LEF1: variants seen among roughly 807,000 people sequenced by gnomAD.
LEF1 encodes the protein lymphoid enhancer-binding factor 1.
Under a neutral mutation model 51.2 loss-of-function variants are expected in LEF1, and 14 were observed. The ratio of observed to expected loss-of-function variants is 0.27; its 90% CI spans 0.18 to 0.43. The LOEUF is 0.43. LEF1 is among the 20% of genes least tolerant of loss of function. The pLI, the probability that LEF1 is intolerant of heterozygous loss-of-function variation, is 1.00. For missense variants in LEF1, 386 were observed against 512.0 expected (o/e 0.75, Z 2.37); for synonymous variants, 185 against 183.2 (o/e 1.01, Z -0.08).
intron 3 of LEF1, among the ~76,000 whole-genome samples, chr4:108,102,835 G>A (rs1262523387): frequency 6.6e-6 from 1 of 152,178 alleles, no homozygotes; most frequent in Non-Finnish European, 1.5e-5. Flanking sequence ...TGTCTTGAGG[G>A]AGAAAGCTAT....
intron 7 of LEF1, 146 bp from the exon 8 acceptor site, chr4:108,078,528 G>A: frequency 1.0e-6 from 1 of 963,542 alleles, no homozygotes; most frequent in Non-Finnish European, 1.6e-6. Flanking sequence ...CAACTTGGAA[G>A]AGCAGTTATT....
At chr4:108,055,986 G>A (rs997800715) in intron 11 of LEF1, among the ~76,000 whole-genome samples, 3 of 152,062 alleles carry the variant, frequency 2.0e-5, no homozygotes, top group African/African-American at 7.2e-5. Flanking sequence ...GACATCTGTC[G>A]GGCTGCTGTC....
At chr4:108,151,822 A>G (rs1744374267) in intron 3 of LEF1, among the ~76,000 whole-genome samples, 1 of 152,222 alleles carries the variant, frequency 6.6e-6, no homozygotes, top group African/African-American at 2.4e-5. Flanking sequence ...TTGCGATTCC[A>G]TACAAATTTA....
At chr4:108,147,116 A>C (rs1029625541) in intron 3 of LEF1, among the ~76,000 whole-genome samples, 2 of 152,114 alleles carry the variant, frequency 1.3e-5, no homozygotes, top group African/African-American at 4.8e-5. Flanking sequence ...TTACAGAGAG[A>C]GGCCCGGGAG....
chr4:108,091,189 T>C (rs1739994360), intron 3 of LEF1, among the ~76,000 whole-genome samples: 1 of 152,166 alleles, frequency 6.6e-6, no homozygotes. Flanking sequence ...CTGCACAATG[T>C]GAACTGCTTA....
intron 8 of LEF1, 127 bp downstream of exon 8, chr4:108,078,093 G>A (rs1739033783): frequency 2.3e-6 from 2 of 853,762 alleles, no homozygotes. Flanking sequence ...TCTTTAAAAT[G>A]CATCATATCA....
intron 3 of LEF1, among the ~76,000 whole-genome samples, chr4:108,143,667 G>A (rs1373418645): frequency 2.0e-5 from 3 of 152,092 alleles, no homozygotes; most frequent in South Asian, 2.1e-4. Context: ...CCCTGCCCCC[G>A]CCTTCTTCAA....
chr4:108,158,867 C>T (rs1002455577), intron 3 of LEF1, among the ~76,000 whole-genome samples: 2 of 151,946 alleles, frequency 1.3e-5, no homozygotes, highest in Admixed American at 1.3e-4. Context: ...AGGGAAGACT[C>T]GATCAAAATA....
chr4:108,140,567 G>A (rs1432509921), intron 3 of LEF1, among the ~76,000 whole-genome samples: 1 of 152,110 alleles, frequency 6.6e-6, no homozygotes, highest in Non-Finnish European at 1.5e-5. Context: ...GGTAAACCCA[G>A]GCCTGGGTAT....
intron 1 of LEF1, 122 bp from the exon 2 acceptor site, chr4:108,165,285 A>G (rs1156936735): frequency 3.6e-6 from 3 of 837,278 alleles, no homozygotes; most frequent in Non-Finnish European, 6.2e-6. Context: ...ACTCTGTTTT[A>G]TACTCTGAGA....
chr4:108,122,471 C>G (rs1266210987), intron 3 of LEF1, among the ~76,000 whole-genome samples: 2 of 151,868 alleles, frequency 1.3e-5, no homozygotes, highest in Non-Finnish European at 2.9e-5. Context: ...GCTGTTACCA[C>G]CCATTCATTT....
chr4:108,068,266 TCAAAACAAAA>T (rs373744253), intron 9 of LEF1, among the ~76,000 whole-genome samples: 534 of 151,694 alleles, frequency 3.5e-3, no homozygotes, highest in Middle Eastern at 6.8e-3. Flanking sequence ...AATCTCTGTC[TCAAAACAAAA>T]CAAAACAAAA....
At chr4:108,087,803 T>G (rs761080420) in intron 4 of LEF1, among the ~76,000 whole-genome samples, 10 of 152,158 alleles carry the variant, frequency 6.6e-5, no homozygotes, top group Non-Finnish European at 1.0e-4. Context: ...CTGTCTCCCC[T>G]TGGGTATCTC....
intron 3 of LEF1, among the ~76,000 whole-genome samples, chr4:108,121,617 C>T (rs1742185870): frequency 6.6e-6 from 1 of 152,142 alleles, no homozygotes; most frequent in Non-Finnish European, 1.5e-5. Flanking sequence ...ATTTTCTGGC[C>T]AAGATCTTAA....
chr4:108,070,703 T>C lies in LEF1; in HGVS notation c.1076A>G (p.His359Arg), dbSNP rs1319328618. 6.2e-7 allele frequency: 1 copy of C among 1,614,108 alleles called. No homozygotes were observed. The highest frequency in any genetic ancestry group is 8.5e-7 in the Non-Finnish European group (1 of 1,179,974). The change falls in exon 9 of 12, where the codon CAT (histidine) becomes CGT (arginine). Residue 359 changes from histidine (H) to arginine (R), a missense_variant. By Grantham distance (29) the His-to-Arg change is conservative. Transcript: ENST00000265165. ...AGACCAGCCTGGATAAAGCTGCATA[T>C]GTAGCTGTCTTTCTTTCCGTGCTAA... is the stretch of plus-strand genomic sequence containing the variant. ...YELARKERQLHMQLYPGWSAR... is the reference protein window; with the variant it reads ...YELARKERQLRMQLYPGWSAR...
intron 9 of LEF1, among the ~76,000 whole-genome samples, chr4:108,067,398 T>A (rs1056752108): frequency 1.1e-4 from 16 of 152,172 alleles, no homozygotes; most frequent in Non-Finnish European, 1.8e-4. Flanking sequence ...AAAACAAATT[T>A]AAAGGCATTC....
chr4:108,112,358 G>A (rs566812330), intron 3 of LEF1, among the ~76,000 whole-genome samples: 1 of 152,206 alleles, frequency 6.6e-6, no homozygotes, highest in African/African-American at 2.4e-5. Context: ...GGGGTAGAGT[G>A]TTCTGATCCT....
chr4:108,108,949 G>T (rs912570664), intron 3 of LEF1, among the ~76,000 whole-genome samples: 2 of 152,122 alleles, frequency 1.3e-5, no homozygotes, highest in Non-Finnish European at 2.9e-5. Flanking sequence ...TACAGGATTG[G>T]AACCAGACCA....
Position 108,110,850 on chromosome 4 carries a change from C to T in LEF1, c.415-21593G>A, listed in dbSNP as rs568104186. 4.6e-5 allele frequency among the ~76,000 whole-genome samples: 7 copies of T among 152,308 alleles called. No individual in the cohort carries two copies. The South Asian group carries it at 1.4e-3, about 32-fold the overall frequency. ...GCTTAGTAAGCACACTGCAATCTTT[C>T]CTATTATTTCAAACTTTGAGTAGGT... On this transcript the variant is annotated intron_variant, in intron 3 of 11. Transcript: ENST00000265165.
Sources: allele counts gnomAD v4.1 joint callset (sites outside exome capture counted in the v4.1 genomes callset), GRCh38; gene constraint gnomAD v4.1.1; transcripts MANE v1.5; gene names NCBI Gene and HGNC (gene_info 2026-07-23, HGNC 2026-07-21).